The following PTPRD variants were observed in gnomAD, a reference collection of about 807,000 sequenced individuals.
PTPRD encodes protein tyrosine phosphatase receptor type D, also known as receptor-type tyrosine-protein phosphatase delta.
Under a neutral mutation model 214.5 loss-of-function variants are expected in PTPRD, and 34 were observed. The ratio of observed to expected loss-of-function variants is 0.16; its 90% confidence interval spans 0.12 to 0.21. The LOEUF (loss-of-function observed/expected upper bound fraction) is 0.21. PTPRD is among the 10% of genes least tolerant of loss of function. PTPRD has a pLI of 1.00. For missense variants in PTPRD, 2,545 were observed against 2,398.7 expected, an observed-to-expected ratio of 1.06 and a Z score of -1.27; for synonymous variants, 1,128 against 845.7, an observed-to-expected ratio of 1.33 and a Z score of -5.79.
chr9:9,471,218 T>A (rs960714655), intron 8 of PTPRD, among the ~76,000 whole-genome samples: 7 of 152,200 alleles, frequency 4.6e-5, no homozygotes, highest in Non-Finnish European at 1.0e-4. Context: ...TGCATCTATA[T>A]GTATCTATCT....
intron 11 of PTPRD, among the ~76,000 whole-genome samples, chr9:8,965,424 T>C (rs2099187702): frequency 6.6e-6 from 1 of 152,044 alleles, no homozygotes; most frequent in African/African-American, 2.4e-5. Context: ...CTCACTGATC[T>C]GTCAGTGAAG....
intron 2 of PTPRD, among the ~76,000 whole-genome samples, chr9:10,443,097 A>G (rs1268848211): frequency 5.3e-5 from 8 of 151,390 alleles, no homozygotes; most frequent in Non-Finnish European, 1.0e-4. Context: ...TCAGAAAAAA[A>G]AAAAAAGGCC....
intron 10 of PTPRD, among the ~76,000 whole-genome samples, chr9:9,132,991 T>C (rs1303333171): frequency 2.0e-5 from 3 of 152,200 alleles, no homozygotes; most frequent in South Asian, 4.1e-4. Context: ...TTAGTTTTTC[T>C]TTTTTCATTT....
At chr9:9,219,187 C>G (rs1282521041) in intron 9 of PTPRD, among the ~76,000 whole-genome samples, 2 of 151,954 alleles carry the variant, frequency 1.3e-5, no homozygotes, top group Non-Finnish European at 2.9e-5. Context: ...ATTTTCTGGG[C>G]TGATATGAGG....
At chr9:9,767,216 G>T (rs1187102454) in intron 5 of PTPRD, among the ~76,000 whole-genome samples, 1 of 151,862 alleles carries the variant, frequency 6.6e-6, no homozygotes, top group Non-Finnish European at 1.5e-5. Flanking sequence ...TGAATTATTA[G>T]ATTTAAATCA....
At chr9:8,662,037 C>G (rs891523408) in intron 12 of PTPRD, among the ~76,000 whole-genome samples, 1 of 152,146 alleles carries the variant, frequency 6.6e-6, no homozygotes, top group Non-Finnish European at 1.5e-5. Context: ...TACCCTCAGC[C>G]TCCTGAGTGG....
rs114053972 is a variant in PTPRD, at chr9:9,772,870, G to A, written c.-367-6019C>T. ...TTTTACTCAGTTATTTCACTTCTAGGAATCTCTCAAAACGACACATTCACG... is the reference window on the plus strand; with the variant it reads ...TTTTACTCAGTTATTTCACTTCTAGAAATCTCTCAAAACGACACATTCACG... On this transcript the variant is annotated intron_variant, in intron 5 of 45. Transcript: ENST00000381196. 7.9e-3 allele frequency among the ~76,000 whole-genome samples: 1,198 copies of A among 152,140 alleles called. 12 individuals are homozygous for A. The highest frequency in any genetic ancestry group is 0.026 in the African/African-American group (1,092 of 41,500).
At chr9:10,090,207 G>T (rs1331418392) in intron 3 of PTPRD, among the ~76,000 whole-genome samples, 1 of 151,364 alleles carries the variant, frequency 6.6e-6, no homozygotes, top group Non-Finnish European at 1.5e-5. Flanking sequence ...ACATTTTAGG[G>T]TTGTTCTAAA....
At chr9:8,785,932 C>G (rs1452560229) in intron 11 of PTPRD, among the ~76,000 whole-genome samples, 2 of 152,090 alleles carry the variant, frequency 1.3e-5, no homozygotes, top group African/African-American at 4.8e-5. Flanking sequence ...AAATCTTTTT[C>G]CTTTATAATG....
chr9:10,221,385 A>G (rs1203477461), intron 3 of PTPRD, among the ~76,000 whole-genome samples: 1 of 152,012 alleles, frequency 6.6e-6, no homozygotes, highest in East Asian at 1.9e-4. Flanking sequence ...CTAAAAATCT[A>G]AAAAACATGG....
chr9:9,659,070 T>G (rs942532976), intron 7 of PTPRD, among the ~76,000 whole-genome samples: 8 of 151,954 alleles, frequency 5.3e-5, no homozygotes, highest in Non-Finnish European at 8.8e-5. Flanking sequence ...AGAAAAGAGG[T>G]GAAGATATAA....
intron 9 of PTPRD, among the ~76,000 whole-genome samples, chr9:9,284,672 C>G (rs968882221): frequency 3.3e-5 from 5 of 151,614 alleles, no homozygotes. Flanking sequence ...AGAATTTTAA[C>G]TTAGAGGAAA....
At chr9:10,087,843 A>G (rs1315490747) in intron 3 of PTPRD, among the ~76,000 whole-genome samples, 1 of 151,762 alleles carries the variant, frequency 6.6e-6, no homozygotes, top group Non-Finnish European at 1.5e-5. Flanking sequence ...TTTATCTAAA[A>G]GTGTAAACTT....
At chr9:9,802,095 T>C (rs2099044390) in intron 5 of PTPRD, among the ~76,000 whole-genome samples, 1 of 152,088 alleles carries the variant, frequency 6.6e-6, no homozygotes, top group East Asian at 1.9e-4. Context: ...TCAAGTTGCT[T>C]AAGGTTTATT....
intron 2 of PTPRD, among the ~76,000 whole-genome samples, chr9:10,527,943 A>G (rs572247974): frequency 1.1e-4 from 17 of 152,132 alleles, no homozygotes; most frequent in Non-Finnish European, 2.4e-4. Context: ...TATATACACT[A>G]TATTCTAAAT....
chr9:9,899,050 G>T (rs1015304359), intron 5 of PTPRD, among the ~76,000 whole-genome samples: 2 of 152,042 alleles, frequency 1.3e-5, no homozygotes, highest in African/African-American at 4.8e-5. Flanking sequence ...AAAGTCACAG[G>T]ACACAAGGTC....
At chr9:9,931,337 G>A (rs184662761) in intron 5 of PTPRD, among the ~76,000 whole-genome samples, 151 of 152,302 alleles carry the variant, frequency 9.9e-4, no homozygotes, top group African/African-American at 3.5e-3. Flanking sequence ...ACTAGGGAGT[G>A]CCAGACAGTG....
At chr9:9,028,134 A>C (rs934236494) in intron 10 of PTPRD, among the ~76,000 whole-genome samples, 7 of 151,920 alleles carry the variant, frequency 4.6e-5, no homozygotes, top group African/African-American at 1.7e-4. Context: ...CCCTATCACA[A>C]ACTGATGTTG....
intron 5 of PTPRD, among the ~76,000 whole-genome samples, chr9:9,799,185 G>T (rs2099022814): frequency 6.6e-6 from 1 of 152,122 alleles, no homozygotes; most frequent in Non-Finnish European, 1.5e-5. Context: ...AATGAGATAG[G>T]TTTGTAGTCA....
Sources: allele counts gnomAD v4.1 joint callset (sites outside exome capture counted in the v4.1 genomes callset), GRCh38; gene constraint gnomAD v4.1.1; transcripts MANE v1.5; gene names NCBI Gene and HGNC (gene_info 2026-07-23, HGNC 2026-07-21).